The following ANKS1B variants were observed in gnomAD, a reference collection of about 807,000 sequenced individuals.
ANKS1B encodes ankyrin repeat and sterile alpha motif domain-containing protein 1B.
ANKS1B carries 36 observed loss-of-function variants against 148.3 expected under a neutral mutation model. That is an observed-to-expected ratio of 0.24 (90% CI 0.19 to 0.32). The LOEUF (loss-of-function observed/expected upper bound fraction) is 0.32. ANKS1B is among the 10% of genes least tolerant of loss of function. The pLI, the probability that ANKS1B is intolerant of heterozygous loss-of-function variation, is 1.00. For missense variants in ANKS1B, 1,157 were observed against 1,542.6 expected, an observed-to-expected ratio of 0.75 and a Z score of 4.19; for synonymous variants, 542 against 560.8, an observed-to-expected ratio of 0.97 and a Z score of 0.47.
downstream of ANKS1B, among the ~76,000 whole-genome samples, chr12:98,741,530 A>ACAAT (rs2097798875): frequency 6.6e-6 from 1 of 152,158 alleles, no homozygotes; most frequent in South Asian, 2.1e-4. Flanking sequence ...CTGCCTGGCA[A>ACAAT]CAATCAGCTG....
chr12:99,466,044 C>G (rs1378271136), intron 10 of ANKS1B, among the ~76,000 whole-genome samples: 1 of 152,100 alleles, frequency 6.6e-6, no homozygotes, highest in Non-Finnish European at 1.5e-5. Flanking sequence ...GGAAGTAAAG[C>G]TCTCCTCAGC....
chr12:99,072,929 T>TA (rs1178373834), intron 16 of ANKS1B, among the ~76,000 whole-genome samples: 19 of 152,188 alleles, frequency 1.2e-4, no homozygotes, highest in African/African-American at 4.3e-4. Context: ...GTAAGTGGTT[T>TA]AAAAATATCT....
At chr12:99,902,752 C>CTTT (rs58515396) in intron 1 of ANKS1B, among the ~76,000 whole-genome samples, 17 of 139,698 alleles carry the variant, frequency 1.2e-4, no homozygotes, top group African/African-American at 4.0e-4. Context: ...CTGTTATACA[C>CTTT]TTTTTTTTTT....
chr12:99,808,590 G>T (rs2067932999), intron 3 of ANKS1B, among the ~76,000 whole-genome samples: 1 of 151,992 alleles, frequency 6.6e-6, no homozygotes, highest in Non-Finnish European at 1.5e-5. Context: ...CATAAACAAT[G>T]ATCACATACA....
intron 16 of ANKS1B, among the ~76,000 whole-genome samples, chr12:99,083,198 A>C (rs1461577557): frequency 1.3e-5 from 2 of 152,188 alleles, no homozygotes; most frequent in African/African-American, 4.8e-5. Flanking sequence ...TTTCCTTAGA[A>C]ATAGTGGCTA....
chr12:99,010,753 TATTATTA>T (rs1424596690), intron 17 of ANKS1B, among the ~76,000 whole-genome samples: 2 of 131,210 alleles, frequency 1.5e-5, no homozygotes, highest in African/African-American at 6.6e-5. Context: ...TTATTATTAT[TATTATTA>T]TTTTTTTTTG....
intron 1 of ANKS1B, among the ~76,000 whole-genome samples, chr12:99,868,259 A>T (rs1233426559): frequency 6.6e-6 from 1 of 152,224 alleles, no homozygotes; most frequent in East Asian, 1.9e-4. Flanking sequence ...TCTTTATCTG[A>T]ATGCTTAAAA....
intron 17 of ANKS1B, among the ~76,000 whole-genome samples, chr12:98,883,509 A>C (rs1220625616): frequency 6.6e-6 from 1 of 152,216 alleles, no homozygotes; most frequent in Non-Finnish European, 1.5e-5. Flanking sequence ...CTTCACAGGA[A>C]TCCAAACCCC....
In ANKS1B at chr12:98,744,375, TAAA is replaced by T. The variant is rs34975028; in HGVS notation, c.*1361_*1363del. On this transcript the variant is annotated 3_prime_UTR_variant, in exon 27 of 27. Coordinates refer to ENST00000683438, the MANE Select transcript of ANKS1B (RefSeq NM_001352186.2). Reference sequence around the variant, plus strand: ...TTAGGTTTAAAATAATGTCAGTTAATAAAAAAACATTAAGACAATTCCACAATT... The same window carrying T: ...TTAGGTTTAAAATAATGTCAGTTAATAAAACATTAAGACAATTCCACAATT... 1.1e-6 allele frequency: 1 copy of T among 894,874 alleles called. No homozygotes were observed. Among genetic ancestry groups the T allele is most frequent in the East Asian group, 1.2e-4 (1 of 8,404 alleles). 55.4% of individuals were successfully genotyped at this position (894,874 alleles called of 1,614,324 possible). A position where few individuals can be genotyped will look rare whatever the true frequency, so the allele number is the denominator to read the frequency against.
At chr12:99,563,852 T>G (rs1184487635) in intron 9 of ANKS1B, among the ~76,000 whole-genome samples, 1 of 152,166 alleles carries the variant, frequency 6.6e-6, no homozygotes, top group Non-Finnish European at 1.5e-5. Context: ...TTACTGTGTA[T>G]TTTCTCATAG....
At chr12:99,844,521 A>T (rs536604744) in intron 1 of ANKS1B, among the ~76,000 whole-genome samples, 2 of 151,552 alleles carry the variant, frequency 1.3e-5, no homozygotes, top group Non-Finnish European at 3.0e-5. Flanking sequence ...GCTTTTGTCA[A>T]GTCTGTCAAA....
chr12:99,022,721 C>T (rs1162195411), intron 17 of ANKS1B, among the ~76,000 whole-genome samples: 1 of 151,958 alleles, frequency 6.6e-6, no homozygotes, highest in Non-Finnish European at 1.5e-5. Context: ...GGGTCTCTCT[C>T]TGTTGTCCAG....
At chr12:99,477,394 T>A (rs1179342140) in intron 10 of ANKS1B, among the ~76,000 whole-genome samples, 2 of 152,134 alleles carry the variant, frequency 1.3e-5, no homozygotes, top group Admixed American at 1.3e-4. Flanking sequence ...GCTAGGTTAT[T>A]TCCCGATTTT....
intron 4 of ANKS1B, among the ~76,000 whole-genome samples, chr12:99,805,263 CAAAAAAAA>C (rs58248573): frequency 2.8e-4 from 8 of 28,914 alleles, no homozygotes; most frequent in Admixed American, 5.9e-4. Flanking sequence ...GAGGAAAAGG[CAAAAAAAA>C]AAAAAAAAAA....
intron 2 of ANKS1B, among the ~76,000 whole-genome samples, chr12:99,814,486 G>T (rs1484040497): frequency 6.6e-6 from 1 of 151,662 alleles, no homozygotes; most frequent in Non-Finnish European, 1.5e-5. Context: ...AAACTTAAAG[G>T]TTATCCAGTT....
intron 17 of ANKS1B, among the ~76,000 whole-genome samples, chr12:98,867,713 T>G (rs2099632061): frequency 6.6e-6 from 1 of 151,518 alleles, no homozygotes; most frequent in Admixed American, 6.6e-5. Context: ...ATACAGAAAA[T>G]TAGTGGGGTG....
chr12:99,251,328 T>C (rs951889055), intron 12 of ANKS1B, among the ~76,000 whole-genome samples: 2 of 149,368 alleles, frequency 1.3e-5, no homozygotes, highest in African/African-American at 5.2e-5. Context: ...AGACACTCAA[T>C]AAAGATTATT....
chr12:99,555,190 C>T (rs1398086), intron 9 of ANKS1B, among the ~76,000 whole-genome samples: 21 of 151,988 alleles, frequency 1.4e-4, no homozygotes, highest in Non-Finnish European at 2.8e-4. Flanking sequence ...GGAATTACTG[C>T]GTGAAATGGT....
chr12:98,817,112 A>T (rs1466727838), intron 19 of ANKS1B, among the ~76,000 whole-genome samples: 1 of 152,234 alleles, frequency 6.6e-6, no homozygotes, highest in Non-Finnish European at 1.5e-5. Flanking sequence ...GAAATATGAA[A>T]GTTTCAGAGT....
Sources: gnomAD v4.1 joint callset for allele counts (sites outside exome capture counted in the v4.1 genomes callset) on GRCh38, gnomAD v4.1.1 for gene constraint, MANE v1.5 for transcripts, NCBI Gene and HGNC (gene_info 2026-07-23, HGNC 2026-07-21) for gene names.